SLC38A4: variants seen among roughly 807,000 people sequenced by gnomAD.
SLC38A4 encodes solute carrier family 38 member 4, also known as sodium-coupled neutral amino acid transporter 4.
SLC38A4 carries 20 observed loss-of-function variants against 63.1 expected under a neutral mutation model. That is an observed-to-expected ratio of 0.32 (90% CI 0.22 to 0.46). The LOEUF is 0.46. SLC38A4 is among the 20% of genes least tolerant of loss of function. SLC38A4 has a pLI of 1.00. For missense variants in SLC38A4, 526 were observed against 663.6 expected (o/e 0.79, Z 2.28); for synonymous variants, 230 against 225.5 (o/e 1.02, Z -0.18).
chr12:46,828,324 G>A (rs771773424), upstream of SLC38A4, among the ~76,000 whole-genome samples: 1 of 151,888 alleles, frequency 6.6e-6, no homozygotes, highest in Non-Finnish European at 1.5e-5. Flanking sequence ...TTGTTTTGTT[G>A]GTTGGTTGTT....
rs1938270297 is a variant in SLC38A4, at chr12:46,765,159, G to A, written c.*1542C>T. ...TGTATGATACTTGTACTTCATAATT[G>A]GCTTTACTAAAATATAAAATACACA... On this transcript the variant is annotated 3_prime_UTR_variant, in exon 17 of 17. Coordinates refer to ENST00000266579, the MANE Select transcript of SLC38A4 (RefSeq NM_018018.5). 6.6e-6 allele frequency: 1 copy of A among 152,584 alleles called. No individual in the cohort carries two copies. The allele number at this position is 152,584 out of a possible 1,614,324, so 9.5% of individuals were successfully genotyped here. A position where few individuals can be genotyped will look rare whatever the true frequency, so the allele number is the denominator to read the frequency against.
At chr12:46,813,964 C>T (rs903324295) in intron 1 of SLC38A4, among the ~76,000 whole-genome samples, 1 of 151,918 alleles carries the variant, frequency 6.6e-6, no homozygotes, top group African/African-American at 2.4e-5. Flanking sequence ...AATATGATAC[C>T]GATTTAATAA....
intron 1 of SLC38A4, among the ~76,000 whole-genome samples, 151 bp from the exon 2 acceptor site, chr12:46,803,945 C>T (rs1436646175): frequency 1.3e-5 from 2 of 152,028 alleles, no homozygotes; most frequent in Non-Finnish European, 2.9e-5. Flanking sequence ...GTGTCATTCT[C>T]TATTAAGATT....
chr12:46,824,534 C>CTAGA (rs1192325095), intron 1 of SLC38A4: 4 of 152,200 alleles, frequency 2.6e-5, no homozygotes, highest in African/African-American at 9.6e-5. Flanking sequence ...ATGTGCAGCA[C>CTAGA]TAGATAGAGT....
At chr12:46,777,054 A>G in intron 12 of SLC38A4, 50 bp from the exon 13 acceptor site, 1 of 1,457,842 alleles carries the variant, frequency 6.9e-7, no homozygotes, top group Non-Finnish European at 9.5e-7. Context: ...TACAAAAAAA[A>G]ATCACTTTTC....
chr12:46,778,864 G>T, intron 10 of SLC38A4, 88 bp from the exon 11 acceptor site: 2 of 1,185,422 alleles, frequency 1.7e-6, no homozygotes, highest in South Asian at 1.5e-5. Flanking sequence ...CTTATAGGGT[G>T]GGGGGTGAGG....
chr12:46,810,960 A>C (rs1238697045), intron 1 of SLC38A4, among the ~76,000 whole-genome samples: 2 of 152,076 alleles, frequency 1.3e-5, no homozygotes, highest in Non-Finnish European at 2.9e-5. Flanking sequence ...GTTTGTTCTG[A>C]AAGAATAGGA....
chr12:46,792,776 A>G (rs1938917629), intron 3 of SLC38A4, among the ~76,000 whole-genome samples, 177 bp downstream of exon 3: 1 of 152,168 alleles, frequency 6.6e-6, no homozygotes, highest in South Asian at 2.1e-4. Context: ...ATCAGTCACA[A>G]AAGAGATTGA....
At chr12:46,785,070 A>T (rs1232593808) in intron 6 of SLC38A4, 34 bp downstream of exon 6, 1 of 1,493,208 alleles carries the variant, frequency 6.7e-7, no homozygotes, top group Non-Finnish European at 9.3e-7. Context: ...ATGAGAATTA[A>T]AATAGAATGT....
At chr12:46,790,276 A>G (rs1256140786) in intron 3 of SLC38A4, among the ~76,000 whole-genome samples, 1 of 152,164 alleles carries the variant, frequency 6.6e-6, no homozygotes, top group Non-Finnish European at 1.5e-5. Flanking sequence ...ACAAAGTTGT[A>G]TGTGCTTTTC....
intron 16 of SLC38A4, among the ~76,000 whole-genome samples, chr12:46,767,826 A>G (rs1301014578): frequency 6.6e-6 from 1 of 152,144 alleles, no homozygotes; most frequent in Non-Finnish European, 1.5e-5. Context: ...AGAGGTTAAC[A>G]GAACGATGAA....
intron 13 of SLC38A4, among the ~76,000 whole-genome samples, chr12:46,776,601 T>C (rs1165759027): frequency 6.6e-6 from 1 of 152,018 alleles, no homozygotes; most frequent in African/African-American, 2.4e-5. Flanking sequence ...ACTTGTAGCC[T>C]GAGTTGGACT....
rs12582305 is a variant in SLC38A4, at chr12:46,765,212, G to A, written c.*1489C>T. 0.055 allele frequency: 8,582 copies of A among 154,978 alleles called. 364 individuals are homozygous for A. The highest frequency in any genetic ancestry group is 0.18 in the South Asian group (929 of 5,182). 9.6% of individuals were successfully genotyped at this position (154,978 alleles called of 1,614,324 possible). The stretch of plus-strand genomic sequence containing the variant: ...TGATCTTACTATGATTTGAAAAAAA[G>A]GTAGTGAACTCCAGAAGTTTTAGGC... On this transcript the variant is annotated 3_prime_UTR_variant, in exon 17 of 17. Coordinates refer to ENST00000266579, the MANE Select transcript of SLC38A4 (RefSeq NM_018018.5).
intron 1 of SLC38A4, among the ~76,000 whole-genome samples, chr12:46,817,280 C>G (rs1441208525): frequency 1.3e-5 from 2 of 151,706 alleles, no homozygotes; most frequent in African/African-American, 2.4e-5. Context: ...AAACACATAC[C>G]AGAGGAAATG....
intron 9 of SLC38A4, 46 bp downstream of exon 9, chr12:46,779,734 A>G (rs750923961): frequency 2.5e-6 from 4 of 1,585,354 alleles, no homozygotes; most frequent in Non-Finnish European, 8.6e-7. Context: ...ACCTATTTAA[A>G]TGTGAAATAA....
intron 5 of SLC38A4, 151 bp from the exon 6 acceptor site, chr12:46,785,328 A>G: frequency 3.1e-6 from 2 of 640,306 alleles, no homozygotes; most frequent in Non-Finnish European, 2.7e-6. Flanking sequence ...AATTCTTTTC[A>G]GAACTCTACA....
intron 16 of SLC38A4, among the ~76,000 whole-genome samples, chr12:46,767,063 C>A (rs535505262): frequency 1.3e-5 from 2 of 151,580 alleles, no homozygotes; most frequent in Non-Finnish European, 2.9e-5. Flanking sequence ...GATGGAATAC[C>A]CTGTGATTAT....
chr12:46,830,208 T>C (rs1011962115), upstream of SLC38A4, among the ~76,000 whole-genome samples: 1 of 152,180 alleles, frequency 6.6e-6, no homozygotes, highest in African/African-American at 2.4e-5. Flanking sequence ...GATATTCTTT[T>C]CAATGTCTCT....
intron 1 of SLC38A4, among the ~76,000 whole-genome samples, chr12:46,811,730 C>G (rs571450317): frequency 3.3e-5 from 5 of 152,028 alleles, no homozygotes; most frequent in African/African-American, 1.2e-4. Context: ...TGAGGCAATC[C>G]TTCTTACATT....
Sources: allele counts gnomAD v4.1 joint callset (sites outside exome capture counted in the v4.1 genomes callset), GRCh38; gene constraint gnomAD v4.1.1; transcripts MANE v1.5; gene names NCBI Gene and HGNC (gene_info 2026-07-23, HGNC 2026-07-21).